SLC28A2: variants seen among roughly 807,000 people sequenced by gnomAD.
SLC28A2 encodes the protein solute carrier family 28 member 2.
In SLC28A2, 69 loss-of-function variants were observed where a neutral mutation model predicts 72.9. The observed-to-expected ratio is 0.95, with a 90% CI of 0.78 to 1.16. The LOEUF (loss-of-function observed/expected upper bound fraction) is 1.16. Ranked by LOEUF, SLC28A2 falls within the 50% of genes most tolerant of loss-of-function variation. The pLI is 0.00. For synonymous variants in SLC28A2, 296 were observed against 294.1 expected (o/e 1.01, Z -0.07); for missense variants, 745 against 791.1 (o/e 0.94, Z 0.70).
chr15:45,261,982 ATTC>A (rs781669494), intron 3 of SLC28A2, 30 bp from the exon 4 acceptor site: 7 of 1,354,120 alleles, frequency 5.2e-6, no homozygotes, highest in Admixed American at 5.0e-5. Flanking sequence ...GGATGGAGTA[ATTC>A]TTGTATCTTA....
intron 4 of SLC28A2, among the ~76,000 whole-genome samples, chr15:45,262,814 A>T (rs1388529077): frequency 6.6e-6 from 1 of 152,244 alleles, no homozygotes; most frequent in Admixed American, 6.5e-5. Context: ...ATGAGATTTC[A>T]TTAGGGACCA....
chr15:45,263,909 C>A lies in SLC28A2; in HGVS notation c.475C>A (p.Leu159Ile). 1 of 1,613,168 alleles carries A rather than the reference C, an allele frequency of 6.2e-7. No homozygotes were observed. The highest frequency in any genetic ancestry group is 8.5e-7 in the Non-Finnish European group (1 of 1,179,606). ...GTTTGCAGGAGTCTCCTTGGTTGGC[C>A]TTATACTGTGGTTGGCTTTAGACAC... ...WVFAGVSLVG[L>I]ILWLALDTAQ... The change falls in exon 6 of 18, where the codon CTT becomes ATT. Residue 159 changes from leucine to isoleucine, a missense_variant. Leu to Ile is a conservative substitution (Grantham distance 5, BLOSUM62 2). Transcript: ENST00000347644.
intron 4 of SLC28A2, among the ~76,000 whole-genome samples, chr15:45,262,316 A>T (rs1900186898): frequency 1.3e-5 from 2 of 152,206 alleles, no homozygotes; most frequent in South Asian, 4.1e-4. Flanking sequence ...ACTATTTTTC[A>T]AAAGTGTACT....
rs369623182 is a variant in SLC28A2, at chr15:45,259,538, G to GATACTTTC, written c.171-2468_171-2461dup. On this transcript the variant is annotated intron_variant, in intron 3 of 17. Transcript: ENST00000347644. ...GAATGATGTTGCTACCACTGTAAAT[G>GATACTTTC]ATACTTTCATACTTTCTAGCTATCT... Among the ~76,000 whole-genome samples, 1,106 of 152,234 alleles carry GATACTTTC rather than the reference G, an allele frequency of 7.3e-3. 17 individuals carry two copies. The highest frequency in any genetic ancestry group is 0.025 in the African/African-American group (1,026 of 41,514).
At chr15:45,259,410 A>G (rs1000225543) in intron 3 of SLC28A2, among the ~76,000 whole-genome samples, 9 of 152,140 alleles carry the variant, frequency 5.9e-5, no homozygotes, top group African/African-American at 1.9e-4. Context: ...GGCTCAAGTG[A>G]TCCTCCCTCC....
intron 6 of SLC28A2, 152 bp from the exon 7 acceptor site, chr15:45,264,503 C>G (rs1331957427): frequency 3.3e-6 from 2 of 610,642 alleles, no homozygotes; most frequent in Non-Finnish European, 5.9e-6. Context: ...TGCCCTGTTT[C>G]TCCCTACCAT....
At chr15:45,253,112 C>T in intron 1 of SLC28A2, 88 bp from the exon 2 acceptor site, 1 of 768,508 alleles carries the variant, frequency 1.3e-6, no homozygotes, top group South Asian at 1.7e-5. Flanking sequence ...TTTGCGTTTT[C>T]CATGGGTAAC....
chr15:45,263,077 C>G lies in SLC28A2; in HGVS notation c.279C>G (p.Leu93=). 1.9e-6 allele frequency: 3 copies of G among 1,613,482 alleles called. No individual in the cohort carries two copies. ...GLLCLAYAAY[L]LAACILNFQR... ...TCTTTTTAGCCTATGCTGCCTATCT[C>G]CTGGCAGCTTGCATCTTGAATTTCC... The change falls in exon 5 of 18, where the codon CTC becomes CTG. Residue 93 remains leucine (L), a synonymous_variant. Coordinates refer to ENST00000347644, the MANE Select transcript of SLC28A2 (RefSeq NM_004212.4).
chr15:45,261,307 T>C (rs1900153976), intron 3 of SLC28A2, among the ~76,000 whole-genome samples: 1 of 151,530 alleles, frequency 6.6e-6, no homozygotes, highest in Non-Finnish European at 1.5e-5. Flanking sequence ...CTGTGTTCGC[T>C]CCTTACAGCC....
intron 3 of SLC28A2, 52 bp downstream of exon 3, chr15:45,253,572 G>A: frequency 8.6e-7 from 1 of 1,168,616 alleles, no homozygotes; most frequent in Non-Finnish European, 1.3e-6. Context: ...AGGGTGGGCT[G>A]CCCCTTCAGG....
chr15:45,264,996 A>G (rs1369352478), intron 7 of SLC28A2, 93 bp from the exon 8 acceptor site: 10 of 990,114 alleles, frequency 1.0e-5, no homozygotes, highest in Admixed American at 1.8e-5. Flanking sequence ...TAGCAACAGT[A>G]GGTCCTCAGG....
chr15:45,266,014 G>T (rs1567059981), intron 9 of SLC28A2, 67 bp from the exon 10 acceptor site: 7 of 1,106,484 alleles, frequency 6.3e-6, no homozygotes, highest in Non-Finnish European at 8.3e-6. Flanking sequence ...GGAGGAGGAG[G>T]AGTTTTGCGA....
chr15:45,276,672 G>A lies in SLC28A2; in HGVS notation c.*1159G>A, dbSNP rs939685856. 3.3e-5 allele frequency: 5 copies of A among 152,120 alleles called. No homozygotes were observed. The highest frequency in any genetic ancestry group is 2.0e-4 in the Admixed American group (3 of 15,256). The allele number at this position is 152,120 out of a possible 1,614,324, so 9.4% of individuals were successfully genotyped here. On this transcript the variant is annotated 3_prime_UTR_variant, in exon 18 of 18. Coordinates refer to ENST00000347644, the MANE Select transcript of SLC28A2 (RefSeq NM_004212.4). ...ATAAATGTGATTTAGTATGTAATTT[G>A]CCTGGGACGGGGGAGAAGCTACATT...
intron 10 of SLC28A2, 74 bp downstream of exon 10, chr15:45,266,235 T>C: frequency 9.2e-7 from 1 of 1,086,716 alleles, no homozygotes; most frequent in Non-Finnish European, 1.4e-6. Flanking sequence ...AGAGTATGCT[T>C]TCCTTCTGAA....
intron 3 of SLC28A2, among the ~76,000 whole-genome samples, chr15:45,254,635 C>A (rs114180155): frequency 2.2e-3 from 329 of 152,238 alleles, no homozygotes; most frequent in African/African-American, 7.5e-3. Context: ...CAGAATGTAT[C>A]CCTGTTGTTA....
At chr15:45,272,490 A>G in intron 16 of SLC28A2, 97 bp downstream of exon 16, 1 of 966,458 alleles carries the variant, frequency 1.0e-6, no homozygotes, top group Non-Finnish European at 1.6e-6. Flanking sequence ...TACAGGGGCA[A>G]CAAAGATTAC....
chr15:45,273,850 C>A (rs1900666591), intron 17 of SLC28A2, among the ~76,000 whole-genome samples: 1 of 152,148 alleles, frequency 6.6e-6, no homozygotes, highest in African/African-American at 2.4e-5. Context: ...CCGGCATAAG[C>A]AAGTGGGTCT....
At chr15:45,259,824 AT>A (rs1278591057) in intron 3 of SLC28A2, among the ~76,000 whole-genome samples, 1 of 152,210 alleles carries the variant, frequency 6.6e-6, no homozygotes, top group Non-Finnish European at 1.5e-5. Context: ...TAAGTGCTAT[AT>A]GGTAAGTGAG....
At chr15:45,260,076 G>A (rs531095880) in intron 3 of SLC28A2, among the ~76,000 whole-genome samples, 1 of 152,318 alleles carries the variant, frequency 6.6e-6, no homozygotes, top group South Asian at 2.1e-4. Context: ...ACAAAGATAT[G>A]TATGAGGTAT....
Sources: gnomAD v4.1 joint callset for allele counts (sites outside exome capture counted in the v4.1 genomes callset) on GRCh38, gnomAD v4.1.1 for gene constraint, MANE v1.5 for transcripts, NCBI Gene and HGNC (gene_info 2026-07-23, HGNC 2026-07-21) for gene names.